The following DSG3 variants were observed in gnomAD, a reference collection of about 807,000 sequenced individuals.
DSG3 encodes desmoglein-3.
In DSG3, 63 loss-of-function variants were observed where a neutral mutation model predicts 85.9. The observed-to-expected ratio is 0.73, with a 90% CI of 0.60 to 0.90. The LOEUF is 0.90. DSG3 is among the 40% of genes least tolerant of loss of function. The probability of loss-of-function intolerance (pLI) is 0.00; values close to 1 mark genes in which losing one functional copy is unlikely to be tolerated. For missense variants in DSG3, 1,220 were observed against 1,219.9 expected (o/e 1.00, Z 0.00); for synonymous variants, 447 against 441.9 (o/e 1.01, Z -0.14).
chr18:31,468,594 T>G (rs140113681), intron 11 of DSG3, among the ~76,000 whole-genome samples: 43 of 152,318 alleles, frequency 2.8e-4, no homozygotes, highest in African/African-American at 8.9e-4. Context: ...ATCACTCTAT[T>G]ATCAACCCTA....
chr18:31,474,389 C>A lies in DSG3; in HGVS notation c.2370C>A (p.Asp790Glu), dbSNP rs1262611047. ...GGGCGATAAGCATGAATTTTCTGGACTCCTACTTTTCTCAGGTAATTTGGT... is the reference window on the plus strand; with the variant it reads ...GGGCGATAAGCATGAATTTTCTGGAATCCTACTTTTCTCAGGTAATTTGGT... ...ADGAISMNFL[D>E]SYFSQKAFAC... Residue 790 changes from aspartate to glutamate, a missense_variant, in exon 15 of 16, where the codon GAC becomes GAA. Transcript: ENST00000257189. The A allele has an allele frequency of 6.2e-7, 1 of 1,601,824 alleles. No individual in the cohort carries two copies. The highest frequency in any genetic ancestry group is 8.5e-7 in the Non-Finnish European group (1 of 1,171,858).
At chr18:31,460,054 T>C in intron 6 of DSG3, 43 bp downstream of exon 6, 1 of 1,555,542 alleles carries the variant, frequency 6.4e-7, no homozygotes, top group Non-Finnish European at 8.7e-7. Flanking sequence ...TTAAAGGGTT[T>C]GATTATAAGA....
At chr18:31,454,799 A>G (rs943462268) in intron 1 of DSG3, among the ~76,000 whole-genome samples, 2 of 151,920 alleles carry the variant, frequency 1.3e-5, no homozygotes, top group African/African-American at 4.8e-5. Context: ...GTTCGAGACC[A>G]GCCTAACCAA....
In DSG3 at chr18:31,447,936, G is replaced by C. The variant is rs988305909; in HGVS notation, c.48+11G>C. ...CTGGCCATCTTCGTGGTAAGTCCTG[G>C]ATTTTCCTAATAATCACAAACTTCC... On this transcript the variant is annotated intron_variant, in intron 1 of 15. Coordinates refer to ENST00000257189, the MANE Select transcript of DSG3 (RefSeq NM_001944.3). 6.4e-7 allele frequency: 1 copy of C among 1,553,516 alleles called. No individual in the cohort carries two copies. Among genetic ancestry groups the C allele is most frequent in the Non-Finnish European group, 8.7e-7 (1 of 1,153,118 alleles).
At position 31,472,553 on chromosome 18, in the gene DSG3, G is replaced by A; in HGVS notation, c.2037+130G>A. The A allele has an allele frequency of 3.9e-6, 5 of 1,291,364 alleles. No individual in the cohort carries two copies. In the East Asian group the frequency reaches 7.6e-5, roughly 20 times the overall value. 80.0% of individuals were successfully genotyped at this position (1,291,364 alleles called of 1,614,324 possible). On this transcript the variant is annotated intron_variant, in intron 13 of 15. Coordinates refer to ENST00000257189, the MANE Select transcript of DSG3 (RefSeq NM_001944.3). ...CAGAGTCAGTGCTGAATAGATGGAG[G>A]CTTTTAGGATTTTAGCTCTTCAGAT...
intron 8 of DSG3, among the ~76,000 whole-genome samples, chr18:31,462,829 G>A (rs868836864): frequency 5.3e-4 from 81 of 152,094 alleles, no homozygotes; most frequent in African/African-American, 1.8e-3. Context: ...TCTTACCAGT[G>A]CACCACCACA....
Position 31,477,106 on chromosome 18 carries a change from G to C in DSG3, c.*846G>C, listed in dbSNP as rs1050558043. 2 of 152,172 alleles carry C rather than the reference G, an allele frequency of 1.3e-5. No homozygotes were observed. Among genetic ancestry groups the C allele is most frequent in the African/African-American group, 4.8e-5 (2 of 41,450 alleles). The allele number at this position is 152,172 out of a possible 1,614,324, so 9.4% of individuals were successfully genotyped here. A position where few individuals can be genotyped will look rare whatever the true frequency, so the allele number is the denominator to read the frequency against. ...TATATGTGTCTTTTACTCAAGCTAAGGGGTATAAGCTTATGTGTTGAATTT... is the reference window on the plus strand; with the variant it reads ...TATATGTGTCTTTTACTCAAGCTAACGGGTATAAGCTTATGTGTTGAATTT... On this transcript the variant is annotated 3_prime_UTR_variant, in exon 16 of 16. Coordinates refer to ENST00000257189, the MANE Select transcript of DSG3 (RefSeq NM_001944.3).
Position 31,456,429 on chromosome 18 carries a change from A to T in DSG3, c.49-11A>T. Reference sequence around the variant, plus strand: ...TTCACATTTAATTCGACTTTATTTAAATGTCTGCAGGTGGTCATATTGGTT... The same window carrying T: ...TTCACATTTAATTCGACTTTATTTATATGTCTGCAGGTGGTCATATTGGTT... On this transcript the variant is annotated splice_polypyrimidine_tract_variant and intron_variant, in intron 1 of 15. Transcript: ENST00000257189. 1 of 1,354,600 alleles carries T rather than the reference A, an allele frequency of 7.4e-7. No homozygotes were observed. The highest frequency in any genetic ancestry group is 9.6e-7 in the Non-Finnish European group (1 of 1,045,202). 83.9% of individuals were successfully genotyped at this position (1,354,600 alleles called of 1,614,324 possible).
intron 4 of DSG3, 123 bp from the exon 5 acceptor site, chr18:31,458,909 TG>T: frequency 8.0e-7 from 1 of 1,253,978 alleles, no homozygotes; most frequent in Non-Finnish European, 1.1e-6. Flanking sequence ...GTCTACCCTT[TG>T]GGGAAACATT....
intron 1 of DSG3, among the ~76,000 whole-genome samples, chr18:31,448,664 A>G (rs1372458601): frequency 6.6e-6 from 1 of 152,046 alleles, no homozygotes; most frequent in Non-Finnish European, 1.5e-5. Flanking sequence ...GCAAAAAAAA[A>G]AAAAGAAAAG....
intron 12 of DSG3, among the ~76,000 whole-genome samples, chr18:31,469,819 A>G (rs1431611072): frequency 6.6e-6 from 1 of 151,968 alleles, no homozygotes; most frequent in Non-Finnish European, 1.5e-5. Flanking sequence ...ATTAATATTA[A>G]TTAATTAATT....
chr18:31,461,145 A>G (rs2144271973), intron 7 of DSG3, 82 bp from the exon 8 acceptor site: 1 of 1,304,564 alleles, frequency 7.7e-7, no homozygotes, highest in African/African-American at 1.5e-5. Context: ...TTTGAGAAAT[A>G]AGGATTACCA....
At position 31,478,456 on chromosome 18, in the gene DSG3, T is replaced by C. The variant is rs1006555395; in HGVS notation, c.*2196T>C. 2 of 152,176 alleles carry C rather than the reference T, an allele frequency of 1.3e-5. No individual in the cohort carries two copies. Among genetic ancestry groups the C allele is most frequent in the African/African-American group, 4.8e-5 (2 of 41,446 alleles). The allele number at this position is 152,176 out of a possible 1,614,324, so 9.4% of individuals were successfully genotyped here. ...AACCATGCTATAGTAATAAAGGTTATATAAGAGAGAAATTGAAATTAAATG... is the reference window on the plus strand; with the variant it reads ...AACCATGCTATAGTAATAAAGGTTACATAAGAGAGAAATTGAAATTAAATG... On this transcript the variant is annotated 3_prime_UTR_variant, in exon 16 of 16. Coordinates refer to ENST00000257189, the MANE Select transcript of DSG3 (RefSeq NM_001944.3).
Position 31,475,671 on chromosome 18 carries a change from A to G in DSG3, c.2411A>G (p.Asp804Gly). Reference sequence around the variant, plus strand: ...AAAGCATTTGCCTGTGCGGAGGAAGACGATGGCCAGGAAGCAAATGACTGC... The same window carrying G: ...AAAGCATTTGCCTGTGCGGAGGAAGGCGATGGCCAGGAAGCAAATGACTGC... Reference protein sequence around the residue: ...SQKAFACAEEDDGQEANDCLL... With the variant: ...SQKAFACAEEGDGQEANDCLL... The change falls in exon 16 of 16, where the codon GAC becomes GGC. Residue 804 changes from aspartate (D) to glycine (G), a missense_variant. By Grantham distance (94) the Asp-to-Gly change is moderately conservative. Transcript: ENST00000257189. 6.2e-7 allele frequency: 1 copy of G among 1,614,150 alleles called. No homozygotes were observed. Among genetic ancestry groups the G allele is most frequent in the Non-Finnish European group, 8.5e-7 (1 of 1,180,028 alleles).
At chr18:31,460,736 T>C (rs1466162432) in intron 6 of DSG3, 97 bp from the exon 7 acceptor site, 4 of 1,129,586 alleles carry the variant, frequency 3.5e-6, no homozygotes, top group Non-Finnish European at 4.9e-6. Context: ...CTACATAAAA[T>C]TGAATATTTC....
intron 9 of DSG3, among the ~76,000 whole-genome samples, chr18:31,465,086 T>C (rs1026615975): frequency 6.6e-6 from 1 of 151,212 alleles, no homozygotes; most frequent in Non-Finnish European, 1.5e-5. Context: ...GATGGCACCA[T>C]TGCACTCCAG....
chr18:31,460,365 A>C (rs2072776316), intron 6 of DSG3, among the ~76,000 whole-genome samples: 1 of 152,152 alleles, frequency 6.6e-6, no homozygotes, highest in Non-Finnish European at 1.5e-5. Flanking sequence ...TTCTGTCTGG[A>C]ATAAAGCCTT....
Position 31,461,419 on chromosome 18 carries a change from T to G in DSG3, c.999+7T>G. On this transcript the variant is annotated splice_region_variant and intron_variant, in intron 8 of 15. Transcript: ENST00000257189. Reference sequence around the variant, plus strand: ...CATCCTGAAAGTGGTGAAGGTAAGGTCTGACTTCCCTTCATTGGTAAAAAA... The same window carrying G: ...CATCCTGAAAGTGGTGAAGGTAAGGGCTGACTTCCCTTCATTGGTAAAAAA... The G allele has an allele frequency of 1.2e-6, 2 of 1,603,516 alleles. No homozygotes were observed. Among genetic ancestry groups the G allele is most frequent in the South Asian group, 2.2e-5 (2 of 88,926 alleles).
chr18:31,474,190 A>G lies in DSG3; in HGVS notation c.2171A>G (p.Lys724Arg), dbSNP rs1182360056. Residue 724 changes from lysine (K) to arginine (R), a missense_variant, in exon 15 of 16, where the codon AAG (lysine) becomes AGG (arginine). Lys to Arg is a conservative substitution (Grantham distance 26). Transcript: ENST00000257189. ...ACTTCAGGAATGGAAATGACCACTA[A>G]GCTTGGAGCAGCCACTGAATCTGGA... The part of the protein sequence containing the change: ...EGTSGMEMTT[K>R]LGAATESGGA... The G allele has an allele frequency of 6.8e-6, 11 of 1,614,084 alleles. No homozygotes were observed. The highest frequency in any genetic ancestry group is 9.3e-6 in the Non-Finnish European group (11 of 1,180,042).
Sources: gnomAD v4.1 joint callset for allele counts (sites outside exome capture counted in the v4.1 genomes callset) on GRCh38, gnomAD v4.1.1 for gene constraint, MANE v1.5 for transcripts, NCBI Gene and HGNC (gene_info 2026-07-23, HGNC 2026-07-21) for gene names.